RANBP2: variants seen among roughly 807,000 people sequenced by gnomAD.
The protein encoded by RANBP2 is E3 SUMO-protein ligase RanBP2.
Under a neutral mutation model 303.6 loss-of-function variants are expected in RANBP2, and 57 were observed. The ratio of observed to expected loss-of-function variants is 0.19; its 90% CI spans 0.15 to 0.23. The LOEUF is 0.23. RANBP2 is among the 10% of genes least tolerant of loss of function. The pLI, the probability that RANBP2 is intolerant of heterozygous loss-of-function variation, is 1.00. For missense variants in RANBP2, 3,138 were observed against 3,780.8 expected (o/e 0.83, Z 4.46); for synonymous variants, 1,167 against 1,301.5 (o/e 0.90, Z 2.23).
At chr2:108,841,353 G>C in the RANBP2 span, among the ~76,000 whole-genome samples, 177 of 152,238 alleles carry the variant, frequency 1.2e-3, 1 homozygote, top group African/African-American at 4.1e-3. Context: ...TGGAGAGATA[G>C]ATGGATGTTG....
the RANBP2 span, among the ~76,000 whole-genome samples, chr2:108,903,866 A>C: frequency 6.6e-6 from 1 of 152,208 alleles, no homozygotes. Context: ...GTGGGAGCAA[A>C]TCTCTGGGAT....
rs769492789 is a variant in RANBP2 at position 108,772,500 on chromosome 2, G to A, written c.8032G>A (p.Glu2678Lys). Residue 2678 changes from glutamate to lysine, a missense_variant, in exon 22 of 29, where the codon GAA (glutamate) becomes AAA (lysine). Physicochemically the swap from Glu to Lys is moderately conservative, Grantham distance 56 (BLOSUM62 1). Coordinates refer to ENST00000283195, the MANE Select transcript of RANBP2 (RefSeq NM_006267.5). ...SEEEEDDEDF[E>K]TAVKKLNGKL... Reference sequence around the variant, plus strand: ...AATTGTATTTTAAGATGAAGATTTCGAAACAGCTGTCAAGAAACTTAATGG... The same window carrying A: ...AATTGTATTTTAAGATGAAGATTTCAAAACAGCTGTCAAGAAACTTAATGG... 32 of 1,612,942 alleles carry A rather than the reference G, an allele frequency of 2.0e-5. 1 individual carries two copies. The highest frequency in any genetic ancestry group is 3.3e-4 in the Middle Eastern group (2 of 6,076).
the RANBP2 span, among the ~76,000 whole-genome samples, chr2:109,660,664 G>C: frequency 6.6e-6 from 1 of 152,226 alleles, no homozygotes; most frequent in Non-Finnish European, 1.5e-5. Flanking sequence ...CCCAGGGAGG[G>C]GCTGACGGCT....
At chr2:108,901,714 C>T in the RANBP2 span, among the ~76,000 whole-genome samples, 1 of 152,138 alleles carries the variant, frequency 6.6e-6, no homozygotes, top group East Asian at 1.9e-4. Flanking sequence ...TGAAAATAAA[C>T]AATTCCTCAA....
At chr2:109,600,752 C>A in the RANBP2 span, among the ~76,000 whole-genome samples, 1 of 152,126 alleles carries the variant, frequency 6.6e-6, no homozygotes, top group African/African-American at 2.4e-5. Context: ...AAGACTCTGC[C>A]CCATTCCCAC....
At chr2:109,495,140 A>AT in the RANBP2 span, among the ~76,000 whole-genome samples, 2 of 152,286 alleles carry the variant, frequency 1.3e-5, no homozygotes, top group Admixed American at 1.3e-4. Context: ...TGTCTGGCAT[A>AT]TTCTTGTCCT....
At chr2:109,076,956 G>T in the RANBP2 span, among the ~76,000 whole-genome samples, 2 of 150,572 alleles carry the variant, frequency 1.3e-5, no homozygotes, top group South Asian at 4.2e-4. Context: ...GAAAGAAGAA[G>T]AAAGTTAGAG....
the RANBP2 span, among the ~76,000 whole-genome samples, chr2:109,372,006 C>A: frequency 6.6e-6 from 1 of 152,216 alleles, no homozygotes; most frequent in Non-Finnish European, 1.5e-5. Context: ...GCTTCTCCAA[C>A]TCCCCCAAGT....
the RANBP2 span, among the ~76,000 whole-genome samples, chr2:109,322,733 C>G: frequency 2.0e-5 from 3 of 152,318 alleles, no homozygotes; most frequent in South Asian, 6.2e-4. Flanking sequence ...GGTAGATGAT[C>G]AGCTCATATT....
At chr2:109,652,286 C>G in the RANBP2 span, among the ~76,000 whole-genome samples, 2 of 151,816 alleles carry the variant, frequency 1.3e-5, no homozygotes, top group Admixed American at 6.6e-5. Context: ...GCAGTGGCGC[C>G]ATCTCGGCTC....
At chr2:108,845,561 C>A in the RANBP2 span, among the ~76,000 whole-genome samples, 1 of 137,550 alleles carries the variant, frequency 7.3e-6, no homozygotes, top group Non-Finnish European at 1.5e-5. Context: ...AAATGCTTTC[C>A]TTTCATTTGA....
chr2:109,671,360 G>A, the RANBP2 span, among the ~76,000 whole-genome samples: 6 of 152,280 alleles, frequency 3.9e-5, no homozygotes, highest in East Asian at 9.6e-4. Context: ...CCGGTGCATT[G>A]AGGGTGACAG....
At chr2:108,940,560 G>T in the RANBP2 span, among the ~76,000 whole-genome samples, 1 of 152,260 alleles carries the variant, frequency 6.6e-6, no homozygotes, top group Non-Finnish European at 1.5e-5. Context: ...TCGGGCGGAG[G>T]TGAGAGCAGC....
At chr2:109,606,644 A>G in the RANBP2 span, among the ~76,000 whole-genome samples, 117 of 2,340 alleles carry the variant, frequency 0.05, no homozygotes, top group Non-Finnish European at 0.1. Context: ...CCTTTTATTA[A>G]AAAAAAAATT....
At chr2:109,425,532 G>A in the RANBP2 span, among the ~76,000 whole-genome samples, 1 of 152,208 alleles carries the variant, frequency 6.6e-6, no homozygotes, top group East Asian at 1.9e-4. Flanking sequence ...TCTAAGTGAA[G>A]CCAGTGTTCA....
At chr2:108,744,210 C>T (rs1421951875) in intron 7 of RANBP2, among the ~76,000 whole-genome samples, 4 of 152,144 alleles carry the variant, frequency 2.6e-5, no homozygotes, top group Non-Finnish European at 5.9e-5. Context: ...TTGAGACCAT[C>T]CTGACCAACA....
the RANBP2 span, among the ~76,000 whole-genome samples, chr2:109,473,140 A>G: frequency 6.6e-6 from 1 of 152,176 alleles, no homozygotes; most frequent in Non-Finnish European, 1.5e-5. Flanking sequence ...AACAGCATTA[A>G]CTCAAGTTAA....
chr2:109,192,839 T>C, the RANBP2 span, among the ~76,000 whole-genome samples: 197 of 152,348 alleles, frequency 1.3e-3, 2 homozygotes, highest in African/African-American at 4.7e-3. Context: ...TGATTCACCA[T>C]ACATTTCTCC....
chr2:109,391,282 C>A, the RANBP2 span, among the ~76,000 whole-genome samples: 2 of 152,242 alleles, frequency 1.3e-5, no homozygotes, highest in South Asian at 4.1e-4. Flanking sequence ...GGCAGCCCGA[C>A]AGCAGCCTGA....
Sources: gnomAD v4.1 joint callset for allele counts (sites outside exome capture counted in the v4.1 genomes callset) on GRCh38, gnomAD v4.1.1 for gene constraint, MANE v1.5 for transcripts, NCBI Gene and HGNC (gene_info 2026-07-23, HGNC 2026-07-21) for gene names.